Variants in TENM2 observed in about 807,000 individuals in gnomAD.
The protein encoded by TENM2 is teneurin-2.
TENM2 carries 52 observed loss-of-function variants against 245.2 expected under a neutral mutation model. The ratio of observed to expected loss-of-function variants is 0.21; its 90% CI spans 0.17 to 0.27. The LOEUF (loss-of-function observed/expected upper bound fraction) is 0.27, where lower values mean the gene tolerates loss of function less well. Among genes scored for constraint, TENM2 ranks in the 10% least tolerant of loss-of-function variants. The pLI is 1.00. For missense variants in TENM2, 3,046 were observed against 3,666.8 expected, an observed-to-expected ratio of 0.83 and a Z score of 4.37; for synonymous variants, 1,363 against 1,438.9, an observed-to-expected ratio of 0.95 and a Z score of 1.19.
At chr5:167,878,426 C>T (rs1773604145) in intron 3 of TENM2, among the ~76,000 whole-genome samples, 1 of 152,050 alleles carries the variant, frequency 6.6e-6, no homozygotes, top group Non-Finnish European at 1.5e-5. Context: ...GAGTGAAGGC[C>T]CAATTGTGCA....
intron 8 of TENM2, among the ~76,000 whole-genome samples, chr5:168,091,490 A>C (rs2152252410): frequency 6.6e-6 from 1 of 152,322 alleles, no homozygotes. Flanking sequence ...TTTCTACCAC[A>C]AACCTTAAGT....
intron 9 of TENM2, 126 bp downstream of exon 11, chr5:168,098,253 T>A: frequency 2.9e-6 from 2 of 690,426 alleles, no homozygotes; most frequent in Non-Finnish European, 5.1e-6. Flanking sequence ...TGCAAGCCCA[T>A]GCATGCCAGA....
chr5:167,205,324 T>G, the TENM2 span, among the ~76,000 whole-genome samples: 1 of 152,132 alleles, frequency 6.6e-6, no homozygotes, highest in Non-Finnish European at 1.5e-5. Context: ...GAGGTTGCAG[T>G]GAGCCAAGAT....
In TENM2 at chr5:168,090,534, C is replaced by G. The variant is rs555363004; in HGVS notation, c.1516-40C>G. ...GGTACCAGGTATGGGACCACATCCA[C>G]ACCTTGTCTCATGCATGGTACTCTC... On this transcript the variant is annotated intron_variant, in intron 7 of 28. Transcript: ENST00000518659. 3.8e-6 allele frequency: 6 copies of G among 1,576,650 alleles called. No homozygotes were observed. The East Asian group carries it at 1.3e-4, about 35-fold the overall frequency.
intron 1 of TENM2, chr5:167,294,350 A>G (rs1754827102): frequency 6.6e-6 from 1 of 152,224 alleles, no homozygotes; most frequent in Non-Finnish European, 1.5e-5. Flanking sequence ...TGAGCTGGAT[A>G]AAGATTTAGC....
intron 2 of TENM2, among the ~76,000 whole-genome samples, chr5:167,850,133 G>T (rs1437205229): frequency 1.3e-5 from 2 of 152,144 alleles, no homozygotes; most frequent in Non-Finnish European, 2.9e-5. Flanking sequence ...CCAGCCACCA[G>T]TCGTCTCATG....
intron 2 of TENM2, among the ~76,000 whole-genome samples, chr5:167,417,028 A>G (rs901910605): frequency 2.6e-5 from 4 of 152,180 alleles, no homozygotes; most frequent in African/African-American, 9.7e-5. Context: ...ATAATCTATA[A>G]TCAAATATTG....
chr5:167,400,995 G>A (rs1369254179), intron 2 of TENM2, among the ~76,000 whole-genome samples: 1 of 152,040 alleles, frequency 6.6e-6, no homozygotes, highest in Non-Finnish European at 1.5e-5. Context: ...GGAGGCTGAG[G>A]CAGAAGGATT....
intron 13 of TENM2, among the ~76,000 whole-genome samples, chr5:168,178,689 T>C (rs762823361): frequency 6.6e-6 from 1 of 152,140 alleles, no homozygotes; most frequent in Non-Finnish European, 1.5e-5. Context: ...GAAATGAACA[T>C]GTCTTCTGAA....
intron 2 of TENM2, among the ~76,000 whole-genome samples, chr5:167,561,743 T>C (rs574874169): frequency 3.3e-5 from 5 of 152,218 alleles, no homozygotes; most frequent in Admixed American, 1.3e-4. Flanking sequence ...TTGTTAAGAG[T>C]AACTTTTTTC....
At chr5:167,196,500 GTATATATATGTGTGTGTA>G in the TENM2 span, among the ~76,000 whole-genome samples, 1 of 149,024 alleles carries the variant, frequency 6.7e-6, no homozygotes, top group Admixed American at 6.7e-5. Flanking sequence ...ATATATATGT[GTATATATATGTGTGTGTA>G]TATATATATG....
chr5:167,540,429 A>G (rs183717356), intron 2 of TENM2, among the ~76,000 whole-genome samples: 35 of 152,356 alleles, frequency 2.3e-4, no homozygotes, highest in Non-Finnish European at 4.3e-4. Context: ...GAAAATGAAC[A>G]AAGAATGATA....
At chr5:167,232,218 G>A in the TENM2 span, among the ~76,000 whole-genome samples, 1 of 152,110 alleles carries the variant, frequency 6.6e-6, no homozygotes, top group Non-Finnish European at 1.5e-5. Context: ...CTGGGGCACT[G>A]CCTAGTGGAG....
chr5:168,244,466 G>A lies in TENM2; in HGVS notation c.5567G>A (p.Arg1856Gln), dbSNP rs540321242. 13 of 1,585,662 alleles carry A rather than the reference G, an allele frequency of 8.2e-6. No homozygotes were observed. The highest frequency in any genetic ancestry group is 4.6e-5 in the East Asian group (2 of 43,806). The change falls in exon 26 of 29, where the codon CGG (arginine) becomes CAG (glutamine). Residue 1856 changes from arginine (R) to glutamine (Q), a missense_variant. Physicochemically the swap from Arg to Gln is conservative, Grantham distance 43. Coordinates refer to ENST00000518659, the Ensembl canonical transcript of TENM2. This position sits in a 1 kb window ranked among gnomAD's most constrained non-coding sequence, Gnocchi z 4.9. ...TCCATTGACTATGATCGAAATATTC[G>A]GACTGAAAAGATCTATGATGACCAC...
chr5:167,071,399 G>C, the TENM2 span, among the ~76,000 whole-genome samples: 2 of 152,090 alleles, frequency 1.3e-5, no homozygotes, highest in Non-Finnish European at 2.9e-5. Context: ...AGACAATAAA[G>C]GCTGCAGTGT....
chr5:167,721,819 C>A (rs758084183), intron 2 of TENM2, among the ~76,000 whole-genome samples: 1 of 152,158 alleles, frequency 6.6e-6, no homozygotes, highest in Non-Finnish European at 1.5e-5. Context: ...ATGATTCTGC[C>A]CACCGTGCTT....
chr5:167,164,499 G>A, the TENM2 span, among the ~76,000 whole-genome samples: 7 of 152,126 alleles, frequency 4.6e-5, no homozygotes, highest in African/African-American at 7.2e-5. Context: ...AGCTGACCTC[G>A]TTTACTATGG....
chr5:167,866,669 A>G (rs1408305752), intron 2 of TENM2, among the ~76,000 whole-genome samples: 1 of 152,176 alleles, frequency 6.6e-6, no homozygotes, highest in Non-Finnish European at 1.5e-5. Flanking sequence ...AAACTATACT[A>G]TAGGCAATGG....
At chr5:167,043,390 G>A in the TENM2 span, among the ~76,000 whole-genome samples, 1 of 152,188 alleles carries the variant, frequency 6.6e-6, no homozygotes, top group African/African-American at 2.4e-5. Flanking sequence ...TTCTGTCGGG[G>A]AAAGACCAAA....
Sources: gnomAD v4.1 joint callset for allele counts (sites outside exome capture counted in the v4.1 genomes callset) on GRCh38, gnomAD v4.1.1 for gene constraint, Gnocchi (gnomAD v3.1) non-coding constraint, MANE v1.5 for transcripts, NCBI Gene and HGNC (gene_info 2026-07-23, HGNC 2026-07-21) for gene names.